CDK8: variants seen among roughly 807,000 people sequenced by gnomAD.
CDK8 encodes the protein cyclin dependent kinase 8.
CDK8 carries 29 observed loss-of-function variants against 71.5 expected under a neutral mutation model. The observed-to-expected ratio is 0.41, with a 90% CI of 0.30 to 0.55. CDK8 has a LOEUF of 0.55. CDK8 is among the 20% of genes least tolerant of loss of function. The probability of loss-of-function intolerance (pLI) is 0.37; values close to 1 mark genes in which losing one functional copy is unlikely to be tolerated. For synonymous variants in CDK8, 161 were observed against 192.1 expected, an observed-to-expected ratio of 0.84 and a Z score of 1.34; for missense variants, 288 against 572.6, an observed-to-expected ratio of 0.50 and a Z score of 5.07.
At chr13:26,271,464 C>G (rs972581906) in intron 1 of CDK8, among the ~76,000 whole-genome samples, 1 of 152,038 alleles carries the variant, frequency 6.6e-6, no homozygotes, top group Admixed American at 6.6e-5. Flanking sequence ...ATTTGTGTAT[C>G]TAAACACATT....
intron 1 of CDK8, among the ~76,000 whole-genome samples, chr13:26,269,563 G>A (rs1479397552): frequency 6.6e-6 from 1 of 151,448 alleles, no homozygotes; most frequent in Non-Finnish European, 1.5e-5. Context: ...TTTTTTTATG[G>A]GATCATTCTA....
At chr13:26,364,722 G>C (rs1226794857) in intron 4 of CDK8, among the ~76,000 whole-genome samples, 1 of 152,110 alleles carries the variant, frequency 6.6e-6, no homozygotes, top group Non-Finnish European at 1.5e-5. Flanking sequence ...TTGTGGTTTA[G>C]TATATTTTAT....
chr13:26,318,309 A>G (rs893563188), intron 1 of CDK8, among the ~76,000 whole-genome samples: 1 of 148,834 alleles, frequency 6.7e-6, no homozygotes, highest in Admixed American at 6.7e-5. Flanking sequence ...CTCTTGATTT[A>G]AAAAAAAAAG....
At chr13:26,389,164 TTTTA>T (rs953929651) in intron 6 of CDK8, among the ~76,000 whole-genome samples, 10 of 152,138 alleles carry the variant, frequency 6.6e-5, no homozygotes, top group African/African-American at 1.9e-4. Context: ...AGTTCTGTGC[TTTTA>T]TTTATTTATT....
intron 4 of CDK8, among the ~76,000 whole-genome samples, chr13:26,361,379 C>G (rs74042632): frequency 0.058 from 8,864 of 152,036 alleles, 867 homozygotes; most frequent in African/African-American, 0.2. Flanking sequence ...CTTGATAAAC[C>G]CCTCATAAGT....
intron 1 of CDK8, among the ~76,000 whole-genome samples, chr13:26,258,070 C>A (rs1826481138): frequency 6.6e-6 from 1 of 152,090 alleles, no homozygotes; most frequent in Non-Finnish European, 1.5e-5. Flanking sequence ...CATTCATCAT[C>A]TAGTTAGTCC....
intron 1 of CDK8, among the ~76,000 whole-genome samples, chr13:26,285,415 G>A (rs563022324): frequency 2.0e-5 from 3 of 152,120 alleles, no homozygotes; most frequent in African/African-American, 4.8e-5. Flanking sequence ...ATCAAAGATC[G>A]TATCAATAGT....
intron 4 of CDK8, among the ~76,000 whole-genome samples, chr13:26,361,498 T>C (rs942171102): frequency 2.6e-4 from 39 of 152,162 alleles, no homozygotes; most frequent in Admixed American, 1.7e-3. Flanking sequence ...CAACCTACAA[T>C]TGGGCAAAAT....
chr13:26,390,146 C>T (rs1308809418), intron 6 of CDK8, among the ~76,000 whole-genome samples: 1 of 152,228 alleles, frequency 6.6e-6, no homozygotes, highest in African/African-American at 2.4e-5. Flanking sequence ...CTCACACCAC[C>T]ATTAAAGCTG....
intron 1 of CDK8, among the ~76,000 whole-genome samples, chr13:26,317,531 A>G (rs938730224): frequency 3.9e-5 from 6 of 152,214 alleles, no homozygotes; most frequent in African/African-American, 1.4e-4. Context: ...AGGATAGGCA[A>G]TATGTTAGAC....
intron 4 of CDK8, among the ~76,000 whole-genome samples, chr13:26,382,355 GTTTA>G (rs1185418086): frequency 6.6e-6 from 1 of 151,954 alleles, no homozygotes; most frequent in Non-Finnish European, 1.5e-5. Context: ...TCAATAATTC[GTTTA>G]TTTAAATGTA....
At chr13:26,259,536 C>G (rs1871678712) in intron 1 of CDK8, among the ~76,000 whole-genome samples, 1 of 152,064 alleles carries the variant, frequency 6.6e-6, no homozygotes. Context: ...GGGGACGGTC[C>G]TGGAACGCAC....
intron 1 of CDK8, among the ~76,000 whole-genome samples, chr13:26,269,249 T>C (rs1872181658): frequency 6.6e-6 from 1 of 152,258 alleles, no homozygotes; most frequent in Middle Eastern, 3.2e-3. Flanking sequence ...ATACAATGAC[T>C]GCTTAATAGA....
At position 26,348,164 on chromosome 13, in the gene CDK8, G is replaced by A. The variant is rs185734954; in HGVS notation, c.205-908G>A. On this transcript the variant is annotated intron_variant, in intron 2 of 12. Transcript: ENST00000381527. ...GAATGAAATAGGCTAAGTGAAATAA[G>A]CCTGGCATGAAAGGATACATATTGT... is the stretch of plus-strand genomic sequence containing the variant. Among the ~76,000 whole-genome samples the A allele has an allele frequency of 7.9e-4, 120 of 152,106 alleles. 3 individuals are homozygous for A. In the East Asian group the frequency reaches 0.02, roughly 26 times the overall value.
chr13:26,373,020 C>T (rs1009761897), intron 4 of CDK8, among the ~76,000 whole-genome samples: 1 of 152,068 alleles, frequency 6.6e-6, no homozygotes, highest in African/African-American at 2.4e-5. Context: ...AGGTATTTAC[C>T]ACTTCAGAGC....
At chr13:26,349,334 T>C (rs918385463) in intron 3 of CDK8, 152 bp downstream of exon 3, 21 of 576,960 alleles carry the variant, frequency 3.6e-5, no homozygotes, top group Admixed American at 6.9e-5. Context: ...AAGGCTAGAG[T>C]ATTTGACTTT....
At chr13:26,267,916 G>T (rs1273410524) in intron 1 of CDK8, among the ~76,000 whole-genome samples, 1 of 152,076 alleles carries the variant, frequency 6.6e-6, no homozygotes, top group Non-Finnish European at 1.5e-5. Context: ...AATCCACAGG[G>T]AGTTTTATCC....
chr13:26,376,570 T>C (rs557937342), intron 4 of CDK8, among the ~76,000 whole-genome samples: 3 of 152,346 alleles, frequency 2.0e-5, no homozygotes, highest in Admixed American at 6.5e-5. Flanking sequence ...TCTCTTGCCA[T>C]GCAGTTTTTG....
At chr13:26,371,720 A>T (rs1211306661) in intron 4 of CDK8, among the ~76,000 whole-genome samples, 1 of 152,002 alleles carries the variant, frequency 6.6e-6, no homozygotes, top group African/African-American at 2.4e-5. Context: ...GGTTCAAGTG[A>T]TTCTCCTGCC....
Sources: allele counts gnomAD v4.1 joint callset (sites outside exome capture counted in the v4.1 genomes callset), GRCh38; gene constraint gnomAD v4.1.1; transcripts MANE v1.5; gene names NCBI Gene and HGNC (gene_info 2026-07-23, HGNC 2026-07-21).